Variants in SAMD12 observed in about 807,000 individuals in gnomAD.
SAMD12 encodes sterile alpha motif domain-containing protein 12.
SAMD12 carries 9 observed loss-of-function variants against 15.0 expected under a neutral mutation model. The ratio of observed to expected loss-of-function variants is 0.60; its 90% CI spans 0.36 to 1.05. The LOEUF (loss-of-function observed/expected upper bound fraction) is 1.05. Among genes scored for constraint, SAMD12 ranks in the 50% least tolerant of loss-of-function variants. SAMD12 has a pLI of 0.01. For synonymous variants in SAMD12, 86 were observed against 90.1 expected (o/e 0.96, Z 0.25); for missense variants, 230 against 234.2 (o/e 0.98, Z 0.12).
chr8:118,272,350 G>T (rs1563724911), intron 4 of SAMD12, among the ~76,000 whole-genome samples: 1 of 152,220 alleles, frequency 6.6e-6, no homozygotes, highest in African/African-American at 2.4e-5. Flanking sequence ...ACACAGCAGT[G>T]GGGGCCTTGA....
At chr8:118,270,187 C>T (rs894526322) in intron 4 of SAMD12, among the ~76,000 whole-genome samples, 5 of 152,144 alleles carry the variant, frequency 3.3e-5, no homozygotes, top group African/African-American at 1.2e-4. Context: ...ACTGGAGGTT[C>T]TTTCATATCC....
intron 2 of SAMD12, among the ~76,000 whole-genome samples, chr8:118,556,913 G>A (rs975431121): frequency 2.2e-4 from 34 of 151,496 alleles, no homozygotes; most frequent in Non-Finnish European, 3.2e-4. Context: ...GCAGTGAGCC[G>A]AGATCATGCC....
the SAMD12 span, among the ~76,000 whole-genome samples, chr8:118,154,624 G>C: frequency 6.6e-6 from 1 of 152,064 alleles, no homozygotes; most frequent in East Asian, 1.9e-4. Flanking sequence ...TGAGGTCCAG[G>C]GTGTTCTATA....
chr8:118,543,277 T>C (rs1826034392), intron 2 of SAMD12, among the ~76,000 whole-genome samples: 1 of 152,128 alleles, frequency 6.6e-6, no homozygotes, highest in South Asian at 2.1e-4. Flanking sequence ...ACACTCACGA[T>C]GCCAATTAAA....
At chr8:118,323,985 A>AAAATT (rs1402962477) in intron 4 of SAMD12, among the ~76,000 whole-genome samples, 30 of 152,242 alleles carry the variant, frequency 2.0e-4, no homozygotes, top group East Asian at 1.5e-3. Flanking sequence ...TTTTTCCTTA[A>AAAATT]AAATTACAAA....
intron 4 of SAMD12, among the ~76,000 whole-genome samples, chr8:118,318,168 T>C (rs972389548): frequency 6.6e-6 from 1 of 151,690 alleles, no homozygotes; most frequent in Admixed American, 6.6e-5. Flanking sequence ...AAAGTGGATA[T>C]ACCATTTGAT....
chr8:118,282,640 T>C (rs1426440527), intron 4 of SAMD12, among the ~76,000 whole-genome samples: 1 of 152,112 alleles, frequency 6.6e-6, no homozygotes, highest in African/African-American at 2.4e-5. Flanking sequence ...TCAAATGTGA[T>C]TGGAATTTGC....
chr8:118,372,063 A>G (rs1482259798), intron 4 of SAMD12, among the ~76,000 whole-genome samples: 1 of 152,202 alleles, frequency 6.6e-6, no homozygotes, highest in African/African-American at 2.4e-5. Flanking sequence ...CAAAGCCTCA[A>G]CTAAATAAAA....
intron 4 of SAMD12, among the ~76,000 whole-genome samples, chr8:118,252,247 A>G (rs960822740): frequency 6.6e-6 from 1 of 152,192 alleles, no homozygotes; most frequent in Non-Finnish European, 1.5e-5. Context: ...GAAAATGCAG[A>G]GGGTCTGGGC....
intron 4 of SAMD12, among the ~76,000 whole-genome samples, chr8:118,285,257 T>C (rs959969582): frequency 6.6e-6 from 1 of 152,206 alleles, no homozygotes; most frequent in Non-Finnish European, 1.5e-5. Context: ...TTACCCACAC[T>C]GCACAGTGGG....
intron 4 of SAMD12, among the ~76,000 whole-genome samples, chr8:118,256,598 C>G (rs1024248573): frequency 2.0e-5 from 3 of 151,596 alleles, no homozygotes; most frequent in Non-Finnish European, 4.4e-5. Flanking sequence ...GCGTAAAGTA[C>G]TAATGGGGAA....
chr8:118,540,426 A>G (rs926110106), intron 2 of SAMD12, among the ~76,000 whole-genome samples: 1 of 152,184 alleles, frequency 6.6e-6, no homozygotes, highest in Non-Finnish European at 1.5e-5. Context: ...TTGCACTCCC[A>G]TATGCTTTCT....
chr8:118,448,204 T>A (rs111724945), intron 2 of SAMD12, among the ~76,000 whole-genome samples: 5,001 of 152,262 alleles, frequency 0.033, 272 homozygotes, highest in African/African-American at 0.11. Context: ...TGAGAATTGT[T>A]CAAATGCTCC....
At chr8:118,150,901 T>G in the SAMD12 span, among the ~76,000 whole-genome samples, 25 of 152,214 alleles carry the variant, frequency 1.6e-4, no homozygotes, top group South Asian at 2.9e-3. Flanking sequence ...GGTATTTTTT[T>G]GGAGTATTTT....
At chr8:118,387,112 G>A (rs962275633) in intron 3 of SAMD12, among the ~76,000 whole-genome samples, 7 of 152,218 alleles carry the variant, frequency 4.6e-5, no homozygotes, top group African/African-American at 9.6e-5. Flanking sequence ...AGAGCAGCAG[G>A]CATGGGGCAT....
intron 2 of SAMD12, among the ~76,000 whole-genome samples, chr8:118,570,362 T>A (rs1826973753): frequency 6.6e-6 from 1 of 152,176 alleles, no homozygotes; most frequent in South Asian, 2.1e-4. Context: ...CCCCCTCCCA[T>A]CCTCCATACT....
chr8:118,346,045 T>C (rs2130571216), intron 4 of SAMD12, among the ~76,000 whole-genome samples: 1 of 152,344 alleles, frequency 6.6e-6, no homozygotes, highest in East Asian at 1.9e-4. Context: ...TTGGTGCATC[T>C]GTTTATTCTG....
chr8:118,454,561 C>T (rs568863544), intron 2 of SAMD12, among the ~76,000 whole-genome samples: 2 of 152,266 alleles, frequency 1.3e-5, no homozygotes, highest in South Asian at 4.1e-4. Flanking sequence ...TCTAGAATGT[C>T]TATTACTAAA....
At chr8:118,515,499 A>C (rs1363358064) in intron 2 of SAMD12, among the ~76,000 whole-genome samples, 1 of 152,108 alleles carries the variant, frequency 6.6e-6, no homozygotes, top group African/African-American at 2.4e-5. Context: ...ATTTATTTAT[A>C]GCAATGCGAG....
Sources: allele counts gnomAD v4.1 joint callset (sites outside exome capture counted in the v4.1 genomes callset), GRCh38; gene constraint gnomAD v4.1.1; transcripts MANE v1.5; gene names NCBI Gene and HGNC (gene_info 2026-07-23, HGNC 2026-07-21).